CRYBA4: variants seen among roughly 807,000 people sequenced by gnomAD.
CRYBA4 encodes the protein beta-crystallin A4.
In CRYBA4, 30 loss-of-function variants were observed where a neutral mutation model predicts 31.7. That is an observed-to-expected ratio of 0.95 (90% CI 0.71 to 1.28). The LOEUF is 1.28. CRYBA4 is among the 50% of genes most tolerant of loss of function. The pLI, the probability that CRYBA4 is intolerant of heterozygous loss-of-function variation, is 0.00. For synonymous variants in CRYBA4, 102 were observed against 102.3 expected (o/e 1.00, Z 0.02); for missense variants, 225 against 260.7 (o/e 0.86, Z 0.94).
upstream of CRYBA4, chr22:26,617,873 C>T (rs923679465): frequency 6.5e-6 from 1 of 153,276 alleles, no homozygotes; most frequent in African/African-American, 2.4e-5. Context: ...CATGGCCCTG[C>T]TCTCTGACTC....
the CRYBA4 span, chr22:26,616,337 G>T: frequency 6.2e-7 from 1 of 1,610,104 alleles, no homozygotes; most frequent in Non-Finnish European, 8.5e-7. Flanking sequence ...GCCTGCAAAA[G>T]TCTGTAAAGA....
At chr22:26,627,447 C>T (rs902733202) in intron 4 of CRYBA4, among the ~76,000 whole-genome samples, 32 of 85,980 alleles carry the variant, frequency 3.7e-4, no homozygotes, top group African/African-American at 1.2e-3. Flanking sequence ...TCTTTCTTTC[C>T]TTCTTTCTTT....
intron 5 of CRYBA4, among the ~76,000 whole-genome samples, chr22:26,629,627 A>G (rs536380060): frequency 6.7e-5 from 10 of 150,174 alleles, no homozygotes; most frequent in African/African-American, 1.9e-4. Context: ...CTCTAGTCCC[A>G]GCCACTCGGA....
At chr22:26,628,697 C>G (rs1929826479) in intron 5 of CRYBA4, among the ~76,000 whole-genome samples, 1 of 152,188 alleles carries the variant, frequency 6.6e-6, no homozygotes, top group Non-Finnish European at 1.5e-5. Flanking sequence ...CTCTCTCCCC[C>G]CACAACCCCC....
the CRYBA4 span, among the ~76,000 whole-genome samples, chr22:26,616,552 C>T: frequency 6.6e-6 from 1 of 152,226 alleles, no homozygotes; most frequent in African/African-American, 2.4e-5. Context: ...TTCCTCCAGG[C>T]TTTTGACCAT....
At chr22:26,607,562 A>G in the CRYBA4 span, among the ~76,000 whole-genome samples, 4,621 of 79,994 alleles carry the variant, frequency 0.058, 120 homozygotes, top group East Asian at 0.13. Context: ...ATCTTTGGGA[A>G]AAAAAAAAAA....
chr22:26,615,137 T>C, the CRYBA4 span, among the ~76,000 whole-genome samples: 2 of 152,254 alleles, frequency 1.3e-5, no homozygotes, highest in Admixed American at 6.5e-5. Context: ...TGCCACGCAC[T>C]GACCACATGA....
Position 26,621,994 on chromosome 22 carries a change from C to T in CRYBA4, c.-13+8C>T, listed in dbSNP as rs559555866. The T allele has an allele frequency of 2.0e-6, 2 of 986,418 alleles. No individual in the cohort carries two copies. Among genetic ancestry groups the T allele is most frequent in the South Asian group, 4.7e-5 (1 of 21,310 alleles). The allele number at this position is 986,418 out of a possible 1,614,324, so 61.1% of individuals were successfully genotyped here. A position where few individuals can be genotyped will look rare whatever the true frequency, so the allele number is the denominator to read the frequency against. On this transcript the variant is annotated splice_region_variant and intron_variant, in intron 1 of 5. Coordinates refer to ENST00000354760, the MANE Select transcript of CRYBA4 (RefSeq NM_001886.3). ...TTCCCTGGGCCTATCTCGGTAAGTC[C>T]CAGGTTTGGAGGAGGGGTGGGATCA...
the CRYBA4 span, among the ~76,000 whole-genome samples, chr22:26,595,128 G>A: frequency 6.6e-6 from 1 of 152,196 alleles, no homozygotes; most frequent in South Asian, 2.1e-4. Flanking sequence ...AATTTTATAT[G>A]TCCTCCTTTG....
chr22:26,611,870 C>T, the CRYBA4 span, among the ~76,000 whole-genome samples: 1 of 152,152 alleles, frequency 6.6e-6, no homozygotes, highest in Admixed American at 6.5e-5. Context: ...GATCACCTCT[C>T]CGAGCCTCAG....
the CRYBA4 span, among the ~76,000 whole-genome samples, chr22:26,608,873 G>A: frequency 4.6e-5 from 7 of 151,992 alleles, no homozygotes; most frequent in African/African-American, 1.5e-4. Context: ...ATGTGATAGC[G>A]CTTATGAAGA....
chr22:26,595,819 C>T, the CRYBA4 span, among the ~76,000 whole-genome samples: 1 of 151,790 alleles, frequency 6.6e-6, no homozygotes, highest in African/African-American at 2.4e-5. Context: ...GTTCCCCAGA[C>T]TGGAGTGCAG....
the CRYBA4 span, among the ~76,000 whole-genome samples, chr22:26,593,049 C>T: frequency 3.3e-5 from 5 of 152,096 alleles, no homozygotes; most frequent in Admixed American, 2.6e-4. Flanking sequence ...TCGTGGTGGA[C>T]CAGACACCAG....
At chr22:26,627,355 C>A in intron 4 of CRYBA4, among the ~76,000 whole-genome samples, 1 of 36,408 alleles carries the variant, frequency 2.7e-5, no homozygotes, top group Non-Finnish European at 4.3e-5. Flanking sequence ...CTCCCTCCCT[C>A]CCTCCTTTCT....
chr22:26,630,220 G>A, intron 5 of CRYBA4, 120 bp from the exon 6 acceptor site: 1 of 1,267,658 alleles, frequency 7.9e-7, no homozygotes, highest in Admixed American at 1.9e-5. Flanking sequence ...CACATTGTGA[G>A]CACTGAAGAA....
chr22:26,597,015 C>G, the CRYBA4 span, among the ~76,000 whole-genome samples: 9 of 152,146 alleles, frequency 5.9e-5, no homozygotes, highest in Non-Finnish European at 1.2e-4. Context: ...CGCAGACAGC[C>G]CTGTCTTCTA....
At chr22:26,602,158 TG>T in the CRYBA4 span, 6 of 1,091,606 alleles carry the variant, frequency 5.5e-6, no homozygotes, top group Non-Finnish European at 8.1e-6. Context: ...GGACCACTGC[TG>T]TCTAGTCTGG....
chr22:26,590,622 A>G, the CRYBA4 span, among the ~76,000 whole-genome samples: 4 of 152,280 alleles, frequency 2.6e-5, no homozygotes, highest in African/African-American at 7.2e-5. Context: ...CACCACCACG[A>G]CATTTGGCAA....
intron 3 of CRYBA4, among the ~76,000 whole-genome samples, chr22:26,625,139 A>G (rs1929662827): frequency 6.6e-6 from 1 of 152,176 alleles, no homozygotes; most frequent in South Asian, 2.1e-4. Context: ...TGTGTGAAGC[A>G]GTTTCCCTAC....
Sources: gnomAD v4.1 joint callset for allele counts (sites outside exome capture counted in the v4.1 genomes callset) on GRCh38, gnomAD v4.1.1 for gene constraint, MANE v1.5 for transcripts, NCBI Gene and HGNC (gene_info 2026-07-23, HGNC 2026-07-21) for gene names.